The following NDNF variants were observed in gnomAD, a reference collection of about 807,000 sequenced individuals.
NDNF encodes neuron derived neurotrophic factor, also known as protein NDNF.
Under a neutral mutation model 42.0 loss-of-function variants are expected in NDNF, and 16 were observed. That is an observed-to-expected ratio of 0.38 (90% CI 0.26 to 0.58). The LOEUF is 0.58. Among genes scored for constraint, NDNF ranks in the 20% least tolerant of loss-of-function variants. The pLI is 0.67. For missense variants in NDNF, 616 were observed against 666.2 expected (o/e 0.92, Z 0.83); for synonymous variants, 248 against 251.7 (o/e 0.99, Z 0.14).
In NDNF at chr4:121,039,206, A is replaced by AAAGAC. The variant is rs1560603284; in HGVS notation, c.313+723_313+724insGTCTT. 1.4e-3 allele frequency among the ~76,000 whole-genome samples: 54 copies of AAAGAC among 37,538 alleles called. 4 individuals carry two copies. Among genetic ancestry groups the AAAGAC allele is most frequent in the Non-Finnish European group, 3.7e-3 (49 of 13,350 alleles). The allele number at this position is 37,538 out of a possible 152,430, so 24.6% of individuals were successfully genotyped here. On this transcript the variant is annotated intron_variant, in intron 3 of 3. Coordinates refer to ENST00000379692, the MANE Select transcript of NDNF (RefSeq NM_024574.4). Reference sequence around the variant, plus strand: ...TGTGTGTGTGTGTATATATATATATATATATATATATATATATATATATAT... The same window carrying AAAGAC: ...TGTGTGTGTGTGTATATATATATATAAAGACTATATATATATATATATATATATAT...
At chr4:121,040,627 G>A (rs1033341313) in intron 2 of NDNF, among the ~76,000 whole-genome samples, 17 of 152,274 alleles carry the variant, frequency 1.1e-4, no homozygotes, top group African/African-American at 3.8e-4. Context: ...TTTATTCACA[G>A]CTTTACTATT....
chr4:121,045,704 A>G lies in NDNF; in HGVS notation c.134T>C (p.Val45Ala), dbSNP rs1393438550. 3.7e-6 allele frequency: 6 copies of G among 1,614,250 alleles called. No homozygotes were observed. Among genetic ancestry groups the G allele is most frequent in the Non-Finnish European group, 4.2e-6 (5 of 1,180,038 alleles). ...GCTAATTTCAGCTCCATCTGGAATTACTGACGAATCATGAAAAAATGCCTT... is the reference window on the plus strand; with the variant it reads ...GCTAATTTCAGCTCCATCTGGAATTGCTGACGAATCATGAAAAAATGCCTT... ...RDKAFFHDSS[V>A]IPDGAEISSY... The change falls in exon 2 of 4, where the codon GTA (valine) becomes GCA (alanine). Residue 45 changes from valine (V) to alanine (A), a missense_variant. Coordinates refer to ENST00000379692, the MANE Select transcript of NDNF (RefSeq NM_024574.4).
chr4:121,065,533 G>A (rs1182755249), intron 1 of NDNF, among the ~76,000 whole-genome samples: 1 of 151,526 alleles, frequency 6.6e-6, no homozygotes, highest in Non-Finnish European at 1.5e-5. Flanking sequence ...ACCTTGCAAA[G>A]ATAATTTCAA....
intron 1 of NDNF, among the ~76,000 whole-genome samples, chr4:121,065,099 G>A (rs537318756): frequency 6.6e-6 from 1 of 152,200 alleles, no homozygotes; most frequent in Admixed American, 6.5e-5. Flanking sequence ...GCACCTAGCA[G>A]AATGTCATTA....
At chr4:121,052,374 A>G (rs1353479713) in intron 1 of NDNF, among the ~76,000 whole-genome samples, 1 of 152,260 alleles carries the variant, frequency 6.6e-6, no homozygotes, top group African/African-American at 2.4e-5. Context: ...GCAAATGTAT[A>G]GAGAATAAAT....
At position 121,045,635 on chromosome 4, in the gene NDNF, C is replaced by G. The variant is rs1727076788; in HGVS notation, c.188+15G>C. 2 of 1,606,202 alleles carry G rather than the reference C, an allele frequency of 1.2e-6. No homozygotes were observed. The highest frequency in any genetic ancestry group is 1.7e-6 in the Non-Finnish European group (2 of 1,173,644). On this transcript the variant is annotated intron_variant, in intron 2 of 3. Coordinates refer to ENST00000379692, the MANE Select transcript of NDNF (RefSeq NM_024574.4). ...TGTGAGCTTTTTAATAAAGAAAATA[C>G]TGCAGGGAGAATACCTCTTAGGTGT...
chr4:121,041,792 T>C (rs1178386917), intron 2 of NDNF, among the ~76,000 whole-genome samples: 2 of 152,156 alleles, frequency 1.3e-5, no homozygotes, highest in Non-Finnish European at 2.9e-5. Context: ...TGACTTTACA[T>C]GTGAGTTGGG....
chr4:121,042,326 A>G (rs2148764311), intron 2 of NDNF, among the ~76,000 whole-genome samples: 1 of 152,350 alleles, frequency 6.6e-6, no homozygotes, highest in East Asian at 1.9e-4. Flanking sequence ...GTCTCCTTCT[A>G]TCTGAAGATA....
rs1469887047 is a variant in NDNF at position 121,045,676 on chromosome 4, A to C, written c.162T>G (p.Ser54Arg). Residue 54 changes from serine to arginine, a missense_variant, in exon 2 of 4, where the codon AGT becomes AGG. Coordinates refer to ENST00000379692, the MANE Select transcript of NDNF (RefSeq NM_024574.4). Reference protein sequence around the residue: ...SVIPDGAEISSYLFRDTPKRY... With the variant: ...SVIPDGAEISRYLFRDTPKRY... ...TCTTAGGTGTATCTCTAAAGAGATA[A>C]CTGCTAATTTCAGCTCCATCTGGAA... is the stretch of plus-strand genomic sequence containing the variant. 2.5e-6 allele frequency: 4 copies of C among 1,614,060 alleles called. No homozygotes were observed. Among genetic ancestry groups the C allele is most frequent in the Admixed American group, 3.3e-5 (2 of 60,014 alleles).
At chr4:121,055,960 T>C (rs957540814) in intron 1 of NDNF, among the ~76,000 whole-genome samples, 2 of 152,282 alleles carry the variant, frequency 1.3e-5, no homozygotes, top group South Asian at 2.1e-4. Context: ...GTGGTTGTTA[T>C]GGTAAATGAG....
intron 1 of NDNF, among the ~76,000 whole-genome samples, chr4:121,067,785 T>C (rs972444591): frequency 6.6e-6 from 1 of 152,244 alleles, no homozygotes; most frequent in Non-Finnish European, 1.5e-5. Flanking sequence ...ATTAACATTA[T>C]ATATTACATG....
chr4:121,055,354 T>A (rs1350314050), intron 1 of NDNF, among the ~76,000 whole-genome samples: 2 of 152,276 alleles, frequency 1.3e-5, no homozygotes, highest in African/African-American at 4.8e-5. Context: ...ACTGGGGATA[T>A]GCTTTGCAGT....
chr4:121,039,886 C>A (rs754176389), intron 3 of NDNF, 44 bp downstream of exon 3: 1 of 1,588,464 alleles, frequency 6.3e-7, no homozygotes. Context: ...AGCATTAAAA[C>A]CATCCATTCA....
intron 1 of NDNF, among the ~76,000 whole-genome samples, chr4:121,070,893 G>T (rs934150362): frequency 6.6e-6 from 1 of 152,198 alleles, no homozygotes; most frequent in African/African-American, 2.4e-5. Flanking sequence ...TGGCCGGAGG[G>T]ACAGCTCAGA....
intron 1 of NDNF, among the ~76,000 whole-genome samples, chr4:121,062,324 C>T (rs892883227): frequency 4.6e-5 from 7 of 152,206 alleles, no homozygotes; most frequent in Admixed American, 4.6e-4. Context: ...CAAAACTGAT[C>T]AACACTGGTT....
intron 2 of NDNF, 75 bp downstream of exon 2, chr4:121,045,575 G>T: frequency 7.8e-7 from 1 of 1,289,484 alleles, no homozygotes; most frequent in Non-Finnish European, 1.1e-6. Flanking sequence ...CCTAAACTAA[G>T]TCTAAAGGTT....
intron 1 of NDNF, among the ~76,000 whole-genome samples, chr4:121,059,649 C>T (rs1400370686): frequency 2.6e-5 from 4 of 152,290 alleles, no homozygotes; most frequent in Non-Finnish European, 5.9e-5. Flanking sequence ...CTCAGGAGGG[C>T]CTCTTTCCTC....
At chr4:121,069,565 C>T (rs1264532035) in intron 1 of NDNF, among the ~76,000 whole-genome samples, 1 of 152,194 alleles carries the variant, frequency 6.6e-6, no homozygotes, top group Non-Finnish European at 1.5e-5. Flanking sequence ...TACTGCCACA[C>T]TAAGCCTAAG....
chr4:121,044,017 CA>C, intron 2 of NDNF, among the ~76,000 whole-genome samples: 1 of 152,292 alleles, frequency 6.6e-6, no homozygotes, highest in Non-Finnish European at 1.5e-5. Flanking sequence ...CCTTCACTCC[CA>C]TGAATGTCAT....
Sources: allele counts gnomAD v4.1 joint callset (sites outside exome capture counted in the v4.1 genomes callset), GRCh38; gene constraint gnomAD v4.1.1; transcripts MANE v1.5; gene names NCBI Gene and HGNC (gene_info 2026-07-23, HGNC 2026-07-21).